CLIC4: variants seen among roughly 807,000 people sequenced by gnomAD.
The protein encoded by CLIC4 is CLIC family member 4.
Under a neutral mutation model 24.6 loss-of-function variants are expected in CLIC4, and 13 were observed. That is an observed-to-expected ratio of 0.53 (90% confidence interval 0.34 to 0.84). The LOEUF (loss-of-function observed/expected upper bound fraction) is 0.84, where lower values mean the gene tolerates loss of function less well. Ranked by LOEUF, CLIC4 falls within the 40% of genes least tolerant of loss-of-function variation. The pLI is 0.01. For missense variants in CLIC4, 227 were observed against 301.7 expected (o/e 0.75, Z 1.83); for synonymous variants, 104 against 111.3 (o/e 0.93, Z 0.41).
At chr1:24,768,084 G>A (rs1571234474) in intron 1 of CLIC4, among the ~76,000 whole-genome samples, 1 of 151,922 alleles carries the variant, frequency 6.6e-6, no homozygotes, top group Admixed American at 6.6e-5. Flanking sequence ...GAGGTGATCC[G>A]CCCTCCTTGG....
At chr1:24,793,325 A>G (rs1180317158) in intron 1 of CLIC4, 1 of 152,230 alleles carries the variant, frequency 6.6e-6, no homozygotes, top group Non-Finnish European at 1.5e-5. Context: ...CCAGTTTGTT[A>G]TATAGTAGGA....
At chr1:24,766,399 T>C (rs1638995823) in intron 1 of CLIC4, among the ~76,000 whole-genome samples, 1 of 149,488 alleles carries the variant, frequency 6.7e-6, no homozygotes, top group African/African-American at 2.5e-5. Context: ...CCCAAAGTGC[T>C]AGGAATATAG....
intron 1 of CLIC4, among the ~76,000 whole-genome samples, chr1:24,785,119 A>G (rs1571242029): frequency 1.4e-5 from 2 of 139,538 alleles, no homozygotes; most frequent in South Asian, 2.2e-4. Context: ...GTCGTAATCT[A>G]TGTCAGTTGG....
intron 1 of CLIC4, 106 bp from the exon 2 acceptor site, chr1:24,797,636 A>G: frequency 1.4e-6 from 1 of 700,408 alleles, no homozygotes; most frequent in South Asian, 2.4e-5. Flanking sequence ...TCCACAATGT[A>G]ACTTTTCCTG....
At chr1:24,781,085 C>CT (rs1639197746) in intron 1 of CLIC4, among the ~76,000 whole-genome samples, 2 of 103,712 alleles carry the variant, frequency 1.9e-5, no homozygotes, top group South Asian at 3.7e-4. Flanking sequence ...GAAACTCCAT[C>CT]TCAAAAAAAA....
intron 1 of CLIC4, among the ~76,000 whole-genome samples, chr1:24,786,767 A>G (rs975809465): frequency 1.6e-4 from 24 of 151,876 alleles, no homozygotes; most frequent in East Asian, 5.8e-4. Context: ...ACAGGCACCC[A>G]CCACCACACC....
intron 4 of CLIC4, among the ~76,000 whole-genome samples, chr1:24,828,322 T>C (rs1443826796): frequency 6.6e-6 from 1 of 152,086 alleles, no homozygotes; most frequent in Non-Finnish European, 1.5e-5. Context: ...AATAATGTAT[T>C]CCAGTAGCTG....
At chr1:24,820,118 C>T (rs1639714565) in intron 3 of CLIC4, among the ~76,000 whole-genome samples, 1 of 126,266 alleles carries the variant, frequency 7.9e-6, no homozygotes, top group African/African-American at 2.8e-5. Flanking sequence ...TGTACTGTCG[C>T]CCAGGCTGGA....
Position 24,816,191 on chromosome 1 carries a change from A to T in CLIC4, c.308+1972A>T, listed in dbSNP as rs1036729976. On this transcript the variant is annotated intron_variant, in intron 3 of 5. Coordinates refer to ENST00000374379, the MANE Select transcript of CLIC4 (RefSeq NM_013943.3). ...ATCCACTTCCTCCAAACTCCTGTTA[A>T]TGTTGCTATTTTGACCTCCTCCCAT... Among the ~76,000 whole-genome samples the T allele has an allele frequency of 4.8e-5, 7 of 147,058 alleles. No homozygotes were observed. The East Asian group carries it at 1.4e-3, about 30-fold the overall frequency.
At chr1:24,752,804 C>A (rs1638793074) in intron 1 of CLIC4, among the ~76,000 whole-genome samples, 2 of 152,152 alleles carry the variant, frequency 1.3e-5, no homozygotes, top group Non-Finnish European at 2.9e-5. Flanking sequence ...CTCACTGCAA[C>A]CTCTGCTTCC....
chr1:24,827,445 G>A (rs1639797808), intron 4 of CLIC4, among the ~76,000 whole-genome samples: 2 of 151,890 alleles, frequency 1.3e-5, no homozygotes, highest in South Asian at 2.1e-4. Context: ...ACAGTGGATT[G>A]TGTGGTTGTG....
At chr1:24,784,718 T>C (rs1639244081) in intron 1 of CLIC4, among the ~76,000 whole-genome samples, 1 of 152,272 alleles carries the variant, frequency 6.6e-6, no homozygotes, top group South Asian at 2.1e-4. Flanking sequence ...GTTTTATTTA[T>C]ACAGACAGAG....
rs546218990 is a variant in CLIC4 at position 24,841,733 on chromosome 1, G to A, written c.*796G>A. On this transcript the variant is annotated 3_prime_UTR_variant, in exon 6 of 6. Transcript: ENST00000374379. ...ACGTTTGTTATATGTGTTTTGCCCT[G>A]TGCCATTCATTTGGAACTTTATTGC... 6.6e-6 allele frequency: 1 copy of A among 152,530 alleles called. No individual in the cohort carries two copies. Among genetic ancestry groups the A allele is most frequent in the African/African-American group, 2.4e-5 (1 of 41,422 alleles). 9.4% of individuals were successfully genotyped at this position (152,530 alleles called of 1,614,324 possible). A position where few individuals can be genotyped will look rare whatever the true frequency, so the allele number is the denominator to read the frequency against.
At chr1:24,746,385 C>G in intron 1 of CLIC4, among the ~76,000 whole-genome samples, 1 of 152,180 alleles carries the variant, frequency 6.6e-6, no homozygotes, top group Non-Finnish European at 1.5e-5. Context: ...TCTTAACTTG[C>G]TTGGGCTTTA....
Position 24,839,903 on chromosome 1 carries a change from A to G in CLIC4, c.459A>G (p.Glu153=). ...TGAAAACCCTGCAGAAACTGGATGAATATCTGAATTCTCCTCTCCCTGATG... is the reference window on the plus strand; with the variant it reads ...TGAAAACCCTGCAGAAACTGGATGAGTATCTGAATTCTCCTCTCCCTGATG... ...GLLKTLQKLD[E]YLNSPLPDEI... is the part of the protein sequence containing the mutation. Residue 153 remains glutamate (E), a synonymous_variant, in exon 5 of 6, where the codon GAA becomes GAG. Transcript: ENST00000374379. 2 of 1,612,626 alleles carry G rather than the reference A, an allele frequency of 1.2e-6. No homozygotes were observed. The highest frequency in any genetic ancestry group is 1.7e-6 in the Non-Finnish European group (2 of 1,179,986).
rs1389467166 is a variant in CLIC4, at chr1:24,842,348, C to G, written c.*1411C>G. On this transcript the variant is annotated 3_prime_UTR_variant, in exon 6 of 6. Coordinates refer to ENST00000374379, the MANE Select transcript of CLIC4 (RefSeq NM_013943.3). The stretch of plus-strand genomic sequence containing the variant: ...AAAGACAAAAGCAAAACCAGACTTT[C>G]TACGTACTACTCCAAAGACTGTGAT... 1 of 152,136 alleles carries G rather than the reference C, an allele frequency of 6.6e-6. No individual in the cohort carries two copies. The highest frequency in any genetic ancestry group is 6.5e-5 in the Admixed American group (1 of 15,270). The allele number at this position is 152,136 out of a possible 1,614,324, so 9.4% of individuals were successfully genotyped here.
At chr1:24,813,511 C>T (rs894704467) in intron 2 of CLIC4, among the ~76,000 whole-genome samples, 26 of 151,730 alleles carry the variant, frequency 1.7e-4, no homozygotes, top group South Asian at 4.2e-4. Flanking sequence ...CTCCGCCTCC[C>T]GGGTTCAAGT....
At chr1:24,767,369 G>A (rs1475747107) in intron 1 of CLIC4, among the ~76,000 whole-genome samples, 1 of 152,090 alleles carries the variant, frequency 6.6e-6, no homozygotes, top group Non-Finnish European at 1.5e-5. Context: ...TTGCCTTTAG[G>A]AATGCAGAAT....
At chr1:24,795,256 G>C (rs559975128) in intron 1 of CLIC4, among the ~76,000 whole-genome samples, 1 of 152,278 alleles carries the variant, frequency 6.6e-6, no homozygotes, top group Admixed American at 6.5e-5. Context: ...GTACCACTCT[G>C]ATTTTAGGAA....
Sources: allele counts gnomAD v4.1 joint callset (sites outside exome capture counted in the v4.1 genomes callset), GRCh38; gene constraint gnomAD v4.1.1; transcripts MANE v1.5; gene names NCBI Gene and HGNC (gene_info 2026-07-23, HGNC 2026-07-21).